ATG16L1: variants seen among roughly 807,000 people sequenced by gnomAD.
The protein encoded by ATG16L1 is autophagy-related protein 16-1.
ATG16L1 carries 37 observed loss-of-function variants against 88.5 expected under a neutral mutation model. That is an observed-to-expected ratio of 0.42 (90% confidence interval 0.32 to 0.55). The LOEUF is 0.55. Among genes scored for constraint, ATG16L1 ranks in the 20% least tolerant of loss-of-function variants. The probability of loss-of-function intolerance (pLI) is 0.13; values close to 1 mark genes in which losing one functional copy is unlikely to be tolerated. For synonymous variants in ATG16L1, 301 were observed against 281.0 expected (o/e 1.07, Z -0.71); for missense variants, 554 against 752.8 (o/e 0.74, Z 3.09).
At position 233,253,337 on chromosome 2, in the gene ATG16L1, TTTG is replaced by T. The variant is rs1559372164; in HGVS notation, c.115+1398_115+1400del. Among the ~76,000 whole-genome samples, 33 of 130,886 alleles carry T rather than the reference TTTG, an allele frequency of 2.5e-4. 5 individuals are homozygous for T. The highest frequency in any genetic ancestry group is 4.0e-4 in the African/African-American group (14 of 35,000). The allele number at this position is 130,886 out of a possible 152,430, so 85.9% of individuals were successfully genotyped here. A position where few individuals can be genotyped will look rare whatever the true frequency, so the allele number is the denominator to read the frequency against. On this transcript the variant is annotated intron_variant, in intron 1 of 17. Transcript: ENST00000392017. ...CAGGTTAATGGTGAGACTGGGTTTT[TTTG>T]TTTTTTTTTTTTTTTTTTTTTGGAG...
intron 1 of ATG16L1, among the ~76,000 whole-genome samples, chr2:233,253,945 G>A (rs1354089987): frequency 6.6e-6 from 1 of 152,130 alleles, no homozygotes; most frequent in Non-Finnish European, 1.5e-5. Flanking sequence ...AGTCAAATTG[G>A]GTGGGAGGCT....
At chr2:233,260,721 G>C (rs943087977) in intron 2 of ATG16L1, among the ~76,000 whole-genome samples, 1 of 152,184 alleles carries the variant, frequency 6.6e-6, no homozygotes, top group East Asian at 1.9e-4. Context: ...TAGCATTTCT[G>C]TTGTGTTCTG....
Position 233,251,857 on chromosome 2 carries a change from C to G in ATG16L1, c.30C>G (p.Phe10Leu). The G allele has an allele frequency of 6.5e-7, 1 of 1,550,230 alleles. No homozygotes were observed. The highest frequency in any genetic ancestry group is 1.2e-5 in the South Asian group (1 of 84,018). ...CGTCGGGCCTCCGCGCCGCTGACTT[C>G]CCCCGCTGGAAGCGCCACATCTCGG... Reference protein sequence around the residue: MSSGLRAADFPRWKRHISEQ... With the variant: MSSGLRAADLPRWKRHISEQ... Residue 10 changes from phenylalanine to leucine, a missense_variant, in exon 1 of 18, where the codon TTC (phenylalanine) becomes TTG (leucine). By Grantham distance (22) the Phe-to-Leu change is conservative. Around this residue, in one of 5 missense-constraint regions of ATG16L1, gnomAD observed 101 missense variants for 107.0 expected, o/e 0.94. Transcript: ENST00000392017.
At chr2:233,257,575 A>G (rs1483565968) in intron 2 of ATG16L1, among the ~76,000 whole-genome samples, 2 of 152,206 alleles carry the variant, frequency 1.3e-5, no homozygotes, top group African/African-American at 4.8e-5. Flanking sequence ...TTTTCAACCT[A>G]CTATATATTT....
chr2:233,252,443 G>A (rs1173177231), intron 1 of ATG16L1, among the ~76,000 whole-genome samples: 3 of 152,028 alleles, frequency 2.0e-5, no homozygotes, highest in Non-Finnish European at 4.4e-5. Context: ...GTGCAGTGGC[G>A]GAGATCACGG....
At chr2:233,280,801 T>C (rs966281310) in intron 10 of ATG16L1, among the ~76,000 whole-genome samples, 1 of 152,186 alleles carries the variant, frequency 6.6e-6, no homozygotes, top group Non-Finnish European at 1.5e-5. Context: ...ATTGACATGG[T>C]TTATAAATTC....
Position 233,265,162 on chromosome 2 carries a change from G to A in ATG16L1, c.641+19G>A. On this transcript the variant is annotated intron_variant, in intron 5 of 17. Transcript: ENST00000392017. The stretch of plus-strand genomic sequence containing the variant: ...ACTCCAGGTGGGCTATCAATCCACA[G>A]TTAGTGGTTTCCATCCTTAGTAGAG... 1.9e-6 allele frequency: 3 copies of A among 1,612,942 alleles called. No homozygotes were observed. Among genetic ancestry groups the A allele is most frequent in the Non-Finnish European group, 2.5e-6 (3 of 1,179,764 alleles).
At chr2:233,282,475 T>C (rs1016211248) in intron 11 of ATG16L1, among the ~76,000 whole-genome samples, 3 of 152,032 alleles carry the variant, frequency 2.0e-5, no homozygotes, top group Non-Finnish European at 4.4e-5. Context: ...TCTGATGAAA[T>C]TGAGCAAGCT....
At chr2:233,252,094 T>C (rs944677583) in intron 1 of ATG16L1, 152 bp downstream of exon 1, 2 of 568,640 alleles carry the variant, frequency 3.5e-6, no homozygotes, top group East Asian at 3.4e-5. Flanking sequence ...CGCACGCCTT[T>C]TAAATGTTTT....
chr2:233,270,624 T>TTTG (rs1005381506), intron 6 of ATG16L1, among the ~76,000 whole-genome samples: 27 of 152,186 alleles, frequency 1.8e-4, no homozygotes, highest in African/African-American at 6.3e-4. Context: ...CGGTGGGGTT[T>TTTG]TTGTTGTTGT....
intron 12 of ATG16L1, 75 bp from the exon 13 acceptor site, chr2:233,289,779 A>T (rs1177333809): frequency 8.2e-6 from 13 of 1,581,388 alleles, no homozygotes; most frequent in Non-Finnish European, 1.1e-5. Flanking sequence ...GGAGGTAAGG[A>T]TGCTGTGGAT....
In ATG16L1 at chr2:233,294,557, A is replaced by G. The variant is rs940373878; in HGVS notation, c.*207A>G. 5 of 436,826 alleles carry G rather than the reference A, an allele frequency of 1.1e-5. No individual in the cohort carries two copies. The highest frequency in any genetic ancestry group is 1.0e-4 in the African/African-American group (5 of 49,034). 27.1% of individuals were successfully genotyped at this position (436,826 alleles called of 1,614,324 possible). On this transcript the variant is annotated 3_prime_UTR_variant, in exon 18 of 18. Transcript: ENST00000392017. Reference sequence around the variant, plus strand: ...TTGGCCTGGAAGAATAACACTGAAAAAACCTGACGCTGCGGTCACTTAGCA... The same window carrying G: ...TTGGCCTGGAAGAATAACACTGAAAGAACCTGACGCTGCGGTCACTTAGCA...
At chr2:233,286,751 G>A (rs558358725) in intron 12 of ATG16L1, among the ~76,000 whole-genome samples, 89 of 149,278 alleles carry the variant, frequency 6.0e-4, no homozygotes, top group African/African-American at 2.1e-3. Flanking sequence ...TCAGCCTCCC[G>A]AGTAGCTGGG....
Position 233,294,428 on chromosome 2 carries a change from G to T in ATG16L1, c.*78G>T, listed in dbSNP as rs940442406. 8 of 1,211,654 alleles carry T rather than the reference G, an allele frequency of 6.6e-6. No individual in the cohort carries two copies. Among genetic ancestry groups the T allele is most frequent in the Non-Finnish European group, 9.5e-6 (8 of 838,650 alleles). 75.1% of individuals were successfully genotyped at this position (1,211,654 alleles called of 1,614,324 possible). ...GGGCTCCTGCAGCCCTGTCCTGGCA[G>T]GTGATGTGCTGGGTATAGCATGGAC... On this transcript the variant is annotated 3_prime_UTR_variant, in exon 18 of 18. Transcript: ENST00000392017.
At chr2:233,262,979 G>A (rs1188624226) in intron 2 of ATG16L1, 151 bp from the exon 3 acceptor site, 7 of 677,522 alleles carry the variant, frequency 1.0e-5, no homozygotes, top group Admixed American at 5.1e-5. Context: ...GCCTGTAACC[G>A]CAGCTGCTGG....
intron 3 of ATG16L1, among the ~76,000 whole-genome samples, chr2:233,263,674 A>G (rs1050529978): frequency 1.3e-5 from 2 of 152,226 alleles, no homozygotes; most frequent in Non-Finnish European, 2.9e-5. Flanking sequence ...GGGAAAATAC[A>G]GTTCACCATC....
intron 2 of ATG16L1, among the ~76,000 whole-genome samples, chr2:233,257,992 A>T (rs1696914632): frequency 1.4e-5 from 2 of 139,632 alleles, no homozygotes; most frequent in African/African-American, 2.7e-5. Flanking sequence ...ACAGAGCGAG[A>T]CTCCGTCTCA....
intron 1 of ATG16L1, among the ~76,000 whole-genome samples, chr2:233,254,184 G>A (rs1696617965): frequency 6.6e-6 from 1 of 152,240 alleles, no homozygotes; most frequent in Non-Finnish European, 1.5e-5. Flanking sequence ...GCAGGAGCAT[G>A]TAGAACAGTC....
intron 1 of ATG16L1, 113 bp downstream of exon 1, chr2:233,252,055 C>A: frequency 1.1e-6 from 1 of 895,998 alleles, no homozygotes; most frequent in Non-Finnish European, 1.6e-6. Context: ...CGCATGGCGG[C>A]CGCCCCGGGT....
Sources: gnomAD v4.1 joint callset for allele counts (sites outside exome capture counted in the v4.1 genomes callset) on GRCh38, gnomAD v4.1.1 for gene constraint, gnomAD v4.1.1 regional missense constraint, MANE v1.5 for transcripts, NCBI Gene and HGNC (gene_info 2026-07-23, HGNC 2026-07-21) for gene names.